The following ORAI2 variants were observed in gnomAD, a reference collection of about 807,000 sequenced individuals.
ORAI2 encodes the protein protein orai-2.
In ORAI2, 10 loss-of-function variants were observed where a neutral mutation model predicts 16.2. The ratio of observed to expected loss-of-function variants is 0.62; its 90% CI spans 0.38 to 1.04. The LOEUF is 1.04. ORAI2 is among the 50% of genes least tolerant of loss of function. ORAI2 has a pLI of 0.01. For synonymous variants in ORAI2, 150 were observed against 157.5 expected, an observed-to-expected ratio of 0.95 and a Z score of 0.35; for missense variants, 238 against 355.5, an observed-to-expected ratio of 0.67 and a Z score of 2.66.
At chr7:102,435,536 CT>C (rs56680127) in intron 1 of ORAI2, among the ~76,000 whole-genome samples, 101,561 of 121,354 alleles carry the variant, frequency 0.84, 42,963 homozygotes, top group East Asian at 0.98. Flanking sequence ...GCCCCCCCCT[CT>C]TTTTTTTTTT....
At chr7:102,445,829 CCCTT>C (rs945007082) in intron 3 of ORAI2, among the ~76,000 whole-genome samples, 2 of 152,008 alleles carry the variant, frequency 1.3e-5, no homozygotes, top group Admixed American at 6.6e-5. Context: ...CTCCCTCCCT[CCCTT>C]TTCTCTTTCT....
intron 3 of ORAI2, among the ~76,000 whole-genome samples, chr7:102,443,131 C>CTTCTTCTTCTTT (rs1222395216): frequency 7.8e-5 from 2 of 25,656 alleles, no homozygotes; most frequent in African/African-American, 1.6e-4. Context: ...TCTTCTTCTT[C>CTTCTTCTTCTTT]TTTTTTTTTT....
intron 2 of ORAI2, among the ~76,000 whole-genome samples, chr7:102,437,350 C>T (rs1294622906): frequency 2.0e-5 from 3 of 152,192 alleles, no homozygotes; most frequent in East Asian, 1.9e-4. Context: ...TGCGGTGGCT[C>T]ACACCTGTAA....
At chr7:102,435,617 A>G (rs1382298603) in intron 1 of ORAI2, among the ~76,000 whole-genome samples, 1 of 143,846 alleles carries the variant, frequency 7.0e-6, no homozygotes, top group African/African-American at 2.6e-5. Context: ...GCTCACTGCA[A>G]CCTCTGCCAC....
At chr7:102,442,833 G>A (rs951710847) in intron 3 of ORAI2, among the ~76,000 whole-genome samples, 97 of 149,442 alleles carry the variant, frequency 6.5e-4, no homozygotes, top group Non-Finnish European at 1.1e-3. Context: ...TCCACCCTGG[G>A]CAACAGAGAG....
chr7:102,446,755 T>C lies in ORAI2; in HGVS notation c.468T>C (p.Leu156=), dbSNP rs1129271. 0.069 allele frequency: 111,169 copies of C among 1,614,024 alleles called. 11,237 individuals carry two copies. The highest frequency in any genetic ancestry group is 0.49 in the East Asian group (21,801 of 44,860). The change falls in exon 4 of 4, where the codon CTT becomes CTC. Residue 156 remains leucine (L), a synonymous_variant. Transcript: ENST00000495936. ...IELAWGFSTV[L]GILLFLAEVV... is the part of the protein sequence containing the mutation. The stretch of plus-strand genomic sequence containing the variant: ...TGGCCTGGGGCTTCTCCACCGTGCT[T>C]GGCATCCTACTCTTCCTGGCCGAGG...
In ORAI2 at chr7:102,447,679, G is replaced by C. The variant is rs1028380759; in HGVS notation, c.*627G>C. ...GGGGGTGCTGCAGCCCTCGGCAGTG[G>C]GGTCAGGCCCTGGGGGATGTTTCCA... On this transcript the variant is annotated 3_prime_UTR_variant, in exon 4 of 4. Coordinates refer to ENST00000495936, the MANE Select transcript of ORAI2 (RefSeq NM_001126340.3). The C allele has an allele frequency of 1.3e-5, 2 of 153,030 alleles. No individual in the cohort carries two copies. Among genetic ancestry groups the C allele is most frequent in the Non-Finnish European group, 2.9e-5 (2 of 68,738 alleles). 9.5% of individuals were successfully genotyped at this position (153,030 alleles called of 1,614,324 possible).
At chr7:102,437,992 T>G (rs1364907548) in intron 2 of ORAI2, among the ~76,000 whole-genome samples, 1 of 152,148 alleles carries the variant, frequency 6.6e-6, no homozygotes, top group African/African-American at 2.4e-5. Flanking sequence ...GAGGCTGCAG[T>G]GAGCTGTGAT....
At chr7:102,440,575 C>G (rs1294068195) in intron 3 of ORAI2, among the ~76,000 whole-genome samples, 1 of 152,130 alleles carries the variant, frequency 6.6e-6, no homozygotes, top group Non-Finnish European at 1.5e-5. Flanking sequence ...CTCTGTTGCC[C>G]AGGCTGGAGA....
rs1797489916 is a variant in ORAI2 at position 102,450,376 on chromosome 7, TCTC to T, written c.*3327_*3329del. 1 of 152,408 alleles carries T rather than the reference TCTC, an allele frequency of 6.6e-6. No individual in the cohort carries two copies. The highest frequency in any genetic ancestry group is 2.4e-5 in the African/African-American group (1 of 41,452). 9.4% of individuals were successfully genotyped at this position (152,408 alleles called of 1,614,324 possible). On this transcript the variant is annotated 3_prime_UTR_variant, in exon 4 of 4. Transcript: ENST00000495936. ...TTTTGGGAGGGGCCCTGCTGGGCCT[TCTC>T]CTGCCACCTACCTTCCTGGACCATC...
chr7:102,447,773 G>C lies in ORAI2; in HGVS notation c.*721G>C, dbSNP rs1458174118. The C allele has an allele frequency of 6.6e-6, 1 of 152,334 alleles. No individual in the cohort carries two copies. Among genetic ancestry groups the C allele is most frequent in the Non-Finnish European group, 1.5e-5 (1 of 68,118 alleles). 9.4% of individuals were successfully genotyped at this position (152,334 alleles called of 1,614,324 possible). On this transcript the variant is annotated 3_prime_UTR_variant, in exon 4 of 4. Coordinates refer to ENST00000495936, the MANE Select transcript of ORAI2 (RefSeq NM_001126340.3). ...CATCTATCAGATGCCCCCTTGAGGA[G>C]GCTGAGTTATTTGAGGGCTGCTGCA...
At position 102,433,739 on chromosome 7, in the gene ORAI2, G is replaced by A. The variant is rs1181108153; in HGVS notation, c.-123+78G>A. 1 of 152,480 alleles carries A rather than the reference G, an allele frequency of 6.6e-6. No homozygotes were observed. The highest frequency in any genetic ancestry group is 1.5e-5 in the Non-Finnish European group (1 of 68,280). 9.4% of individuals were successfully genotyped at this position (152,480 alleles called of 1,614,324 possible). A position where few individuals can be genotyped will look rare whatever the true frequency, so the allele number is the denominator to read the frequency against. ...GGGGGGCCGGAATTGGACCGGGGAC[G>A]CTCGGCGGGGAAGGGGACGACTGTA... On this transcript the variant is annotated intron_variant, in intron 1 of 3. Transcript: ENST00000495936. The surrounding 1 kb of genome is among the most constrained non-coding windows in gnomAD (Gnocchi z 4.6).
intron 3 of ORAI2, among the ~76,000 whole-genome samples, chr7:102,443,972 G>T (rs1190416324): frequency 1.3e-5 from 2 of 152,092 alleles, no homozygotes; most frequent in East Asian, 3.9e-4. Context: ...CTCCCAAAGT[G>T]CTGGGATTAC....
At chr7:102,436,923 C>T (rs1364678440) in intron 2 of ORAI2, among the ~76,000 whole-genome samples, 1 of 152,164 alleles carries the variant, frequency 6.6e-6, no homozygotes, top group Admixed American at 6.6e-5. Context: ...GTTGGCCAGG[C>T]TGGAAAAGTC....
intron 3 of ORAI2, among the ~76,000 whole-genome samples, chr7:102,443,798 C>T (rs1339455700): frequency 6.6e-6 from 1 of 152,052 alleles, no homozygotes; most frequent in Non-Finnish European, 1.5e-5. Context: ...CCTTTGCGTC[C>T]CGGGTTCAAG....
chr7:102,446,068 C>T (rs1039337389), intron 3 of ORAI2, among the ~76,000 whole-genome samples: 8 of 152,106 alleles, frequency 5.3e-5, no homozygotes, highest in African/African-American at 1.9e-4. Flanking sequence ...CCTGCCTCAG[C>T]CTCCCGAGTA....
At position 102,456,460 on chromosome 7, in the gene ORAI2, C is replaced by T. The variant is rs2133247999; in HGVS notation, c.*9408C>T. The stretch of plus-strand genomic sequence containing the variant: ...TAGAGATGGGGGTCTCACTATGTTG[C>T]CCAGGCTGGCCTCAAGCAATCCTCC... On this transcript the variant is annotated 3_prime_UTR_variant, in exon 4 of 4. Coordinates refer to ENST00000495936, the MANE Select transcript of ORAI2 (RefSeq NM_001126340.3). The T allele has an allele frequency of 6.6e-6, 1 of 152,270 alleles. No homozygotes were observed. Among genetic ancestry groups the T allele is most frequent in the East Asian group, 1.9e-4 (1 of 5,160 alleles). The allele number at this position is 152,270 out of a possible 1,614,324, so 9.4% of individuals were successfully genotyped here. A position where few individuals can be genotyped will look rare whatever the true frequency, so the allele number is the denominator to read the frequency against.
At position 102,446,530 on chromosome 7, in the gene ORAI2, G is replaced by A. The variant is rs1797368801; in HGVS notation, c.243G>A (p.Val81=). ...CCCCGCAGGTGGCCATGGTGGAGGT[G>A]CAGCTGGAGACGCAGTACCAGTACC... ...SGFAMVAMVE[V]QLETQYQYPR... is the part of the protein sequence containing the mutation. Residue 81 remains valine, a synonymous_variant, in exon 4 of 4, where the codon GTG becomes GTA. Transcript: ENST00000495936. 6.2e-7 allele frequency: 1 copy of A among 1,609,146 alleles called. No individual in the cohort carries two copies. The highest frequency in any genetic ancestry group is 8.5e-7 in the Non-Finnish European group (1 of 1,178,058).
At chr7:102,440,510 A>G (rs370338387) in intron 3 of ORAI2, among the ~76,000 whole-genome samples, 2 of 152,104 alleles carry the variant, frequency 1.3e-5, no homozygotes, top group Admixed American at 1.3e-4. Flanking sequence ...CACAGGTCCT[A>G]TTGGGTGGAA....
Sources: gnomAD v4.1 joint callset for allele counts (sites outside exome capture counted in the v4.1 genomes callset) on GRCh38, gnomAD v4.1.1 for gene constraint, Gnocchi (gnomAD v3.1) non-coding constraint, MANE v1.5 for transcripts, NCBI Gene and HGNC (gene_info 2026-07-23, HGNC 2026-07-21) for gene names.